Variants in SUSD1 observed in about 807,000 individuals in gnomAD.
SUSD1 encodes sushi domain containing 1, also known as sushi domain-containing protein 1.
SUSD1 carries 65 observed loss-of-function variants against 86.9 expected under a neutral mutation model. That is an observed-to-expected ratio of 0.75 (90% CI 0.61 to 0.92). SUSD1 has a LOEUF of 0.92. Among genes scored for constraint, SUSD1 ranks in the 40% least tolerant of loss-of-function variants. SUSD1 has a pLI of 0.00. For synonymous variants in SUSD1, 346 were observed against 350.0 expected (o/e 0.99, Z 0.13); for missense variants, 850 against 929.7 (o/e 0.91, Z 1.11).
Position 112,080,138 on chromosome 9 carries a change from C to T in SUSD1, c.1502G>A (p.Gly501Glu). The T allele has an allele frequency of 6.2e-7, 1 of 1,613,330 alleles. No homozygotes were observed. Among genetic ancestry groups the T allele is most frequent in the East Asian group, 2.2e-5 (1 of 44,842 alleles). Residue 501 changes from glycine to glutamate, a missense_variant, in exon 11 of 17, where the codon GGA (glycine) becomes GAA (glutamate). By Grantham distance (98) the Gly-to-Glu change is moderately conservative. Coordinates refer to ENST00000374270, the MANE Select transcript of SUSD1 (RefSeq NM_022486.5). ...AVKQTISNIS[G>E]FNETCLRWRS... is the part of the protein sequence containing the mutation. ...CCATCTCAAGCAGGTTTCATTAAAT[C>T]CTGAAATGTTACTGATGGTCTGTTT...
chr9:112,049,519 C>T (rs891416043), intron 15 of SUSD1, among the ~76,000 whole-genome samples: 1 of 152,198 alleles, frequency 6.6e-6, no homozygotes, highest in Non-Finnish European at 1.5e-5. Context: ...TGCTGGTTTC[C>T]TGATCATCTT....
At chr9:112,058,037 G>C (rs144918892) in intron 14 of SUSD1, among the ~76,000 whole-genome samples, 6 of 152,324 alleles carry the variant, frequency 3.9e-5, no homozygotes, top group African/African-American at 1.4e-4. Context: ...AAAAACAGCC[G>C]AGTGCTGTGC....
chr9:112,175,061 G>C lies in SUSD1; in HGVS notation c.103+72C>G. The C allele has an allele frequency of 2.0e-6, 2 of 983,898 alleles. No homozygotes were observed. The highest frequency in any genetic ancestry group is 4.7e-5 in the South Asian group (1 of 21,396). 60.9% of individuals were successfully genotyped at this position (983,898 alleles called of 1,614,324 possible). On this transcript the variant is annotated intron_variant, in intron 1 of 16. Coordinates refer to ENST00000374270, the MANE Select transcript of SUSD1 (RefSeq NM_022486.5). This position sits in a 1 kb window ranked among gnomAD's most constrained non-coding sequence, Gnocchi z 4.7. ...CCGGCCCAGGGGCGGGGAAGCGTCCGTGCGCCCAGAGTCCTCGAGGCCCAG... is the reference window on the plus strand; with the variant it reads ...CCGGCCCAGGGGCGGGGAAGCGTCCCTGCGCCCAGAGTCCTCGAGGCCCAG...
rs11377595 is a variant in SUSD1, at chr9:112,165,942, G to GAACGA, written c.104-8330_104-8329insTCGTT. Reference sequence around the variant, plus strand: ...GAAAGAAAAGAAAGAAAGAAAGAAAGAAGAAAGAAAGAAAGAAAGAAAGAA... The same window carrying GAACGA: ...GAAAGAAAAGAAAGAAAGAAAGAAAGAACGAAAGAAAGAAAGAAAGAAAGAAAGAA... On this transcript the variant is annotated intron_variant, in intron 1 of 16. Coordinates refer to ENST00000374270, the MANE Select transcript of SUSD1 (RefSeq NM_022486.5). 6.1e-4 allele frequency among the ~76,000 whole-genome samples: 44 copies of GAACGA among 71,962 alleles called. 1 individual carries two copies. Among genetic ancestry groups the GAACGA allele is most frequent in the African/African-American group, 2.4e-3 (44 of 18,220 alleles). The allele number at this position is 71,962 out of a possible 152,430, so 47.2% of individuals were successfully genotyped here.
At position 112,058,496 on chromosome 9, in the gene SUSD1, A is replaced by C. The variant is rs754278403; in HGVS notation, c.2041T>G (p.Tyr681Asp). Reference sequence around the variant, plus strand: ...CTCCCTCTTTTCAAGGGTGCATTATAATATTCCCCATAGTACAGCCTGTCT... The same window carrying C: ...CTCCCTCTTTTCAAGGGTGCATTATCATATTCCCCATAGTACAGCCTGTCT... Reference protein sequence around the residue: ...IGDRLYYGEYYNAPLKRGSDY... With the variant: ...IGDRLYYGEYDNAPLKRGSDY... The change falls in exon 14 of 17, where the codon TAT becomes GAT. Residue 681 changes from tyrosine (Y) to aspartate (D), a missense_variant. Coordinates refer to ENST00000374270, the MANE Select transcript of SUSD1 (RefSeq NM_022486.5). The C allele has an allele frequency of 2.5e-6, 4 of 1,614,226 alleles. No homozygotes were observed. The South Asian group carries it at 4.4e-5, about 18-fold the overall frequency.
Position 112,175,131 on chromosome 9 carries a change from A to G in SUSD1, c.103+2T>C. ...CCCGTGCCCGTCCCAGCCCGCACTC[A>G]CCGTCGGGGCCCGGCGCTCCCGCGG... On this transcript the variant is annotated splice_donor_variant, in intron 1 of 16. Coordinates refer to ENST00000374270, the MANE Select transcript of SUSD1 (RefSeq NM_022486.5). LOFTEE classifies it high-confidence loss of function. The surrounding 1 kb of genome is among the most constrained non-coding windows in gnomAD (Gnocchi z 4.7). 9.6e-7 allele frequency: 1 copy of G among 1,042,870 alleles called. No individual in the cohort carries two copies. Among genetic ancestry groups the G allele is most frequent in the Non-Finnish European group, 1.1e-6 (1 of 870,566 alleles). 64.6% of individuals were successfully genotyped at this position (1,042,870 alleles called of 1,614,324 possible). A position where few individuals can be genotyped will look rare whatever the true frequency, so the allele number is the denominator to read the frequency against.
intron 8 of SUSD1, among the ~76,000 whole-genome samples, chr9:112,107,097 T>C (rs1032532840): frequency 6.6e-6 from 1 of 151,462 alleles, no homozygotes; most frequent in Non-Finnish European, 1.5e-5. Flanking sequence ...AGACCTTGTC[T>C]TTACAAAATG....
chr9:112,164,647 A>G (rs1833702090), intron 1 of SUSD1, among the ~76,000 whole-genome samples: 1 of 152,084 alleles, frequency 6.6e-6, no homozygotes, highest in African/African-American at 2.4e-5. Context: ...AAAGAAAAAT[A>G]CAAACAAAAC....
At chr9:112,140,589 A>G (rs1333021049) in intron 5 of SUSD1, among the ~76,000 whole-genome samples, 1 of 152,192 alleles carries the variant, frequency 6.6e-6, no homozygotes, top group East Asian at 1.9e-4. Flanking sequence ...AAAATTTTTA[A>G]AAAACTAACC....
At chr9:112,141,212 C>A (rs370009293) in intron 5 of SUSD1, among the ~76,000 whole-genome samples, 3 of 152,210 alleles carry the variant, frequency 2.0e-5, no homozygotes, top group African/African-American at 7.2e-5. Context: ...GCCACAAACA[C>A]GTGAGTGTGA....
At chr9:112,094,394 A>T (rs1279738467) in intron 10 of SUSD1, among the ~76,000 whole-genome samples, 4 of 152,204 alleles carry the variant, frequency 2.6e-5, no homozygotes, top group African/African-American at 7.2e-5. Flanking sequence ...CCCCACACCA[A>T]GGGCTTTTAA....
chr9:112,084,576 C>A (rs1829898369), intron 10 of SUSD1, among the ~76,000 whole-genome samples: 3 of 152,180 alleles, frequency 2.0e-5, no homozygotes, highest in Admixed American at 1.3e-4. Context: ...GACATTCTCA[C>A]TCTAGGTTCG....
chr9:112,138,115 G>A (rs1032406487), intron 5 of SUSD1, among the ~76,000 whole-genome samples: 11 of 147,994 alleles, frequency 7.4e-5, no homozygotes, highest in African/African-American at 2.5e-4. Flanking sequence ...TCCCAGCTAC[G>A]TGGGAGGCTG....
chr9:112,045,138 ATTTGTTTTGT>A (rs142207364), intron 15 of SUSD1, among the ~76,000 whole-genome samples: 4 of 152,078 alleles, frequency 2.6e-5, no homozygotes, highest in Non-Finnish European at 4.4e-5. Context: ...AATTAACTAG[ATTTGTTTTGT>A]TTTGTTTTGT....
chr9:112,138,189 A>C (rs936903517), intron 5 of SUSD1, among the ~76,000 whole-genome samples: 10 of 138,230 alleles, frequency 7.2e-5, no homozygotes, highest in African/African-American at 2.8e-4. Flanking sequence ...GTGCCACTGC[A>C]CTCCAGCCTG....
Position 112,066,947 on chromosome 9 carries a change from C to T in SUSD1, c.1754-3914G>A, listed in dbSNP as rs573586592. Among the ~76,000 whole-genome samples, 361 of 152,346 alleles carry T rather than the reference C, an allele frequency of 2.4e-3. 2 individuals carry two copies. The highest frequency in any genetic ancestry group is 4.2e-3 in the Non-Finnish European group (283 of 68,034). ...CTGGAGTACAGTGGCATGATCTTGG[C>T]TCACTGCAATCTCTGCCTCCCAGGT... On this transcript the variant is annotated intron_variant, in intron 12 of 16. Transcript: ENST00000374270.
At position 112,124,421 on chromosome 9, in the gene SUSD1, T is replaced by C. The variant is rs368109357; in HGVS notation, c.722A>G (p.Asn241Ser). ...KLHCQEINCG[N>S]PPEMRHAILV... ...GATGGCGTGCCGCATTTCTGGAGGG[T>C]TGCCACAGTTGATCTCTGCAATGGG... Residue 241 changes from asparagine to serine, a missense_variant, in exon 6 of 17, where the codon AAC (asparagine) becomes AGC (serine). Physicochemically the swap from Asn to Ser is conservative, Grantham distance 46. Transcript: ENST00000374270. The C allele has an allele frequency of 1.9e-6, 3 of 1,613,874 alleles. No homozygotes were observed. Among genetic ancestry groups the C allele is most frequent in the Admixed American group, 1.7e-5 (1 of 59,994 alleles).
chr9:112,049,867 T>C (rs1367640962), intron 15 of SUSD1, among the ~76,000 whole-genome samples: 1 of 152,222 alleles, frequency 6.6e-6, no homozygotes, highest in African/African-American at 2.4e-5. Flanking sequence ...TCCTTCAATA[T>C]TGGTTCTCAA....
At chr9:112,165,983 A>AAG (rs141505699) in intron 1 of SUSD1, among the ~76,000 whole-genome samples, 1 of 151,446 alleles carries the variant, frequency 6.6e-6, no homozygotes, top group Admixed American at 6.6e-5. Flanking sequence ...GAAAGAAAGA[A>AAG]AGAAAGAAAG....
Sources: allele counts gnomAD v4.1 joint callset (sites outside exome capture counted in the v4.1 genomes callset), GRCh38; gene constraint gnomAD v4.1.1; non-coding constraint Gnocchi (gnomAD v3.1); transcripts MANE v1.5; gene names NCBI Gene and HGNC (gene_info 2026-07-23, HGNC 2026-07-21).